OR51E2: variants seen among roughly 807,000 people sequenced by gnomAD.
OR51E2 encodes the protein olfactory receptor 51E2.
Under a neutral mutation model 13.7 loss-of-function variants are expected in OR51E2, and 14 were observed. The ratio of observed to expected loss-of-function variants is 1.02; its 90% CI spans 0.68 to 1.60. The LOEUF (loss-of-function observed/expected upper bound fraction) is 1.60, where lower values mean the gene tolerates loss of function less well. OR51E2 is among the 40% of genes most tolerant of loss of function. The pLI is 0.00. For missense variants in OR51E2, 483 were observed against 413.8 expected (o/e 1.17, Z -1.45); for synonymous variants, 180 against 157.6 (o/e 1.14, Z -1.07).
At chr11:4,686,426 T>C (rs922370319) in intron 1 of OR51E2, among the ~76,000 whole-genome samples, 3 of 152,154 alleles carry the variant, frequency 2.0e-5, no homozygotes, top group African/African-American at 4.8e-5. Context: ...ACTGATGATA[T>C]GCTGTGAACT....
chr11:4,688,998 A>G (rs1258976263), intron 1 of OR51E2, among the ~76,000 whole-genome samples: 1 of 152,224 alleles, frequency 6.6e-6, no homozygotes, highest in Non-Finnish European at 1.5e-5. Flanking sequence ...GAAACATTCA[A>G]GTAGTGATAT....
chr11:4,682,389 G>A lies in OR51E2; in HGVS notation c.323C>T (p.Ala108Val). The change falls in exon 2 of 2, where the codon GCC becomes GTC. Residue 108 changes from alanine to valine, a missense_variant. Physicochemically the swap from Ala to Val is moderately conservative, Grantham distance 64. Transcript: ENST00000396950. ...GGCCAGCAGGATGGTGGATTCAATG[G>A]CTGAGAGGGCATGAATAAAGAACAT... ...TQMFFIHALS[A>V]IESTILLAMA... 1 of 1,614,218 alleles carries A rather than the reference G, an allele frequency of 6.2e-7. No homozygotes were observed. Among genetic ancestry groups the A allele is most frequent in the Non-Finnish European group, 8.5e-7 (1 of 1,180,042 alleles).
chr11:4,687,920 C>T (rs1847533846), intron 1 of OR51E2, among the ~76,000 whole-genome samples: 2 of 152,094 alleles, frequency 1.3e-5, no homozygotes, highest in Admixed American at 6.5e-5. Context: ...TTAAAAGGGT[C>T]AGGGGATTCT....
chr11:4,682,007 C>T lies in OR51E2; in HGVS notation c.705G>A (p.Lys235=). The change falls in exon 2 of 2, where the codon AAG becomes AAA. Residue 235 remains lysine, a synonymous_variant. Transcript: ENST00000396950. ...LQLPSKSERA[K]AFGTCVSHIG... is the part of the protein sequence containing the mutation. Reference sequence around the variant, plus strand: ...TGTGTGACACACAGGTTCCAAAGGCCTTGGCCCGCTCTGACTTGGAAGGCA... The same window carrying T: ...TGTGTGACACACAGGTTCCAAAGGCTTTGGCCCGCTCTGACTTGGAAGGCA... 2 of 1,614,234 alleles carry T rather than the reference C, an allele frequency of 1.2e-6. No homozygotes were observed. Among genetic ancestry groups the T allele is most frequent in the Non-Finnish European group, 1.7e-6 (2 of 1,180,040 alleles).
intron 1 of OR51E2, among the ~76,000 whole-genome samples, chr11:4,687,583 T>C (rs1847530567): frequency 6.6e-6 from 1 of 152,194 alleles, no homozygotes; most frequent in Non-Finnish European, 1.5e-5. Flanking sequence ...ATCTGAATCC[T>C]TACACATCAA....
chr11:4,692,389 C>A (rs1034767240), intron 1 of OR51E2, among the ~76,000 whole-genome samples: 5 of 152,222 alleles, frequency 3.3e-5, no homozygotes, highest in African/African-American at 1.2e-4. Flanking sequence ...CTGCCCCCAC[C>A]TGATATAATG....
intron 1 of OR51E2, among the ~76,000 whole-genome samples, chr11:4,688,556 G>A (rs922591498): frequency 4.6e-5 from 7 of 152,170 alleles, no homozygotes; most frequent in East Asian, 1.9e-4. Context: ...ATTTTTCCTG[G>A]GTAAGACAGG....
intron 1 of OR51E2, among the ~76,000 whole-genome samples, chr11:4,683,655 A>T (rs1847483182): frequency 6.6e-6 from 1 of 152,198 alleles, no homozygotes; most frequent in Non-Finnish European, 1.5e-5. Context: ...AGTATTATTA[A>T]TTTTACAATG....
chr11:4,695,791 G>C (rs549182882), intron 1 of OR51E2, among the ~76,000 whole-genome samples: 14 of 149,860 alleles, frequency 9.3e-5, no homozygotes, highest in Non-Finnish European at 1.5e-4. Flanking sequence ...TTTTTTTCCT[G>C]TTTGTTAAAC....
intron 1 of OR51E2, among the ~76,000 whole-genome samples, chr11:4,683,273 TAGAC>T (rs142162731): frequency 1.2e-3 from 184 of 152,284 alleles, no homozygotes; most frequent in African/African-American, 4.1e-3. Context: ...GAGTAGAAAT[TAGAC>T]AGAGTGGAAT....
rs1242035688 is a variant in OR51E2 at position 4,681,923 on chromosome 11, A to G, written c.789T>C (p.Phe263=). The G allele has an allele frequency of 6.2e-7, 1 of 1,614,096 alleles. No individual in the cohort carries two copies. The highest frequency in any genetic ancestry group is 8.5e-7 in the Non-Finnish European group (1 of 1,179,946). ...PLIGLSVVHR[F]GNSLHPIVRV... ...GCACAATGGGATGAAGGCTGTTTCC[A>G]AAGCGGTGTACCACTGAGAGGCCAA... The change falls in exon 2 of 2, where the codon TTT becomes TTC. Residue 263 remains phenylalanine (F), a synonymous_variant. Transcript: ENST00000396950.
At chr11:4,691,355 CA>C (rs1361842579) in intron 1 of OR51E2, 1 of 457,822 alleles carries the variant, frequency 2.2e-6, no homozygotes. Flanking sequence ...TGGCCAACAG[CA>C]CTGAGGATTC....
At chr11:4,690,680 G>C (rs902936525) in intron 1 of OR51E2, 8 of 329,714 alleles carry the variant, frequency 2.4e-5, no homozygotes, top group Non-Finnish European at 4.1e-5. Context: ...TTCTTTGGTT[G>C]TTTTTTGTTT....
intron 1 of OR51E2, chr11:4,691,464 A>G (rs1376569614): frequency 2.2e-6 from 1 of 456,774 alleles, no homozygotes; most frequent in Non-Finnish European, 4.4e-6. Flanking sequence ...CATGGTGACC[A>G]GAGTGGATAT....
chr11:4,686,804 A>G (rs1320130524), intron 1 of OR51E2, among the ~76,000 whole-genome samples: 1 of 151,532 alleles, frequency 6.6e-6, no homozygotes, highest in Non-Finnish European at 1.5e-5. Context: ...GAGCTTATCC[A>G]TCTTGGTCAG....
chr11:4,695,870 C>A (rs1847649915), intron 1 of OR51E2, among the ~76,000 whole-genome samples: 1 of 151,994 alleles, frequency 6.6e-6, no homozygotes, highest in Non-Finnish European at 1.5e-5. Context: ...CAAGAAGTAC[C>A]TCTTCTTTTC....
intron 1 of OR51E2, chr11:4,691,817 A>G (rs1847585561): frequency 3.4e-6 from 1 of 298,448 alleles, no homozygotes; most frequent in South Asian, 3.3e-5. Flanking sequence ...GAGTATTTAT[A>G]TAATATGAAA....
intron 1 of OR51E2, among the ~76,000 whole-genome samples, chr11:4,684,392 TG>T (rs1373364778): frequency 6.6e-6 from 1 of 151,906 alleles, no homozygotes; most frequent in East Asian, 2.0e-4. Flanking sequence ...CGTCATAGCT[TG>T]GGGAAGGGGA....
chr11:4,688,248 GTGT>G (rs988816821), intron 1 of OR51E2, among the ~76,000 whole-genome samples: 2 of 152,118 alleles, frequency 1.3e-5, no homozygotes, highest in African/African-American at 2.4e-5. Flanking sequence ...TGAGGGAGAG[GTGT>G]TGTTGTTGTT....
Sources: gnomAD v4.1 joint callset for allele counts (sites outside exome capture counted in the v4.1 genomes callset) on GRCh38, gnomAD v4.1.1 for gene constraint, MANE v1.5 for transcripts, NCBI Gene and HGNC (gene_info 2026-07-23, HGNC 2026-07-21) for gene names.